MXRA7: variants seen among roughly 807,000 people sequenced by gnomAD.
The protein encoded by MXRA7 is matrix-remodeling-associated protein 7.
Under a neutral mutation model 17.4 loss-of-function variants are expected in MXRA7, and 18 were observed. The observed-to-expected ratio is 1.03, with a 90% CI of 0.71 to 1.53. The LOEUF is 1.53. Among genes scored for constraint, MXRA7 ranks in the 40% most tolerant of loss-of-function variants. The pLI, the probability that MXRA7 is intolerant of heterozygous loss-of-function variation, is 0.00. For missense variants in MXRA7, 141 were observed against 209.3 expected (o/e 0.67, Z 2.01); for synonymous variants, 70 against 101.7 (o/e 0.69, Z 1.87).
At chr17:76,690,535 C>G (rs923693718) in intron 1 of MXRA7, among the ~76,000 whole-genome samples, 1 of 151,986 alleles carries the variant, frequency 6.6e-6, no homozygotes, top group African/African-American at 2.4e-5. Context: ...ATAGTGCACA[C>G]CTCGCCTCTA....
chr17:76,680,932 G>T, intron 3 of MXRA7, 53 bp from the exon 4 acceptor site: 1 of 1,423,698 alleles, frequency 7.0e-7, no homozygotes, highest in Non-Finnish European at 9.8e-7. Context: ...ATTCCATCCT[G>T]CACCATGGGC....
chr17:76,710,823 G>T lies in MXRA7; in HGVS notation c.124C>A (p.Pro42Thr). The part of the protein sequence containing the change: ...AASPEPARAP[P>T]EPAPPAEATG... ...GCCTCGGCCGGGGGCGCGGGTTCCG[G>T]GGGCGCGCGGGCAGGCTCCGGGCTC... is the stretch of plus-strand genomic sequence containing the variant. The change falls in exon 1 of 4, where the codon CCG (proline) becomes ACG (threonine). Residue 42 changes from proline (P) to threonine (T), a missense_variant. Physicochemically the swap from Pro to Thr is conservative, Grantham distance 38 (BLOSUM62 -1). This residue lies in a region of MXRA7 where 72 missense variants were observed against 111.9 expected (regional missense o/e 0.64). Transcript: ENST00000449428. 3 of 954,974 alleles carry T rather than the reference G, an allele frequency of 3.1e-6. No individual in the cohort carries two copies. In the African/African-American group the frequency reaches 5.4e-5, roughly 17 times the overall value. The allele number at this position is 954,974 out of a possible 1,614,324, so 59.2% of individuals were successfully genotyped here. A position where few individuals can be genotyped will look rare whatever the true frequency, so the allele number is the denominator to read the frequency against.
chr17:76,688,416 A>C (rs2076433001), intron 1 of MXRA7: 26 of 1,391,874 alleles, frequency 1.9e-5, no homozygotes, highest in East Asian at 2.7e-5. Flanking sequence ...GTGCACCCCA[A>C]GCCCTCGGCC....
At position 76,696,544 on chromosome 17, in the gene MXRA7, A is replaced by G. The variant is rs149031391; in HGVS notation, c.343-8368T>C. On this transcript the variant is annotated intron_variant, in intron 1 of 3. Coordinates refer to ENST00000449428, the MANE Select transcript of MXRA7 (RefSeq NM_198530.4). The stretch of plus-strand genomic sequence containing the variant: ...CTAAAAAAATAAATAAAAATAAAAA[A>G]TAAACAGGTGTCAATACAAATTTTT... Among the ~76,000 whole-genome samples the G allele has an allele frequency of 2.6e-3, 392 of 152,210 alleles. 2 individuals carry two copies. Among genetic ancestry groups the G allele is most frequent in the African/African-American group, 9.2e-3 (381 of 41,532 alleles).
intron 1 of MXRA7, chr17:76,688,422 CGGCCTT>C: frequency 7.3e-7 from 1 of 1,370,082 alleles, no homozygotes; most frequent in Non-Finnish European, 9.4e-7. Flanking sequence ...CCCAAGCCCT[CGGCCTT>C]GGCCTTTCCC....
chr17:76,706,938 C>T (rs1050344245), intron 1 of MXRA7, among the ~76,000 whole-genome samples: 1 of 151,690 alleles, frequency 6.6e-6, no homozygotes, highest in East Asian at 1.9e-4. Flanking sequence ...CACACACACA[C>T]TGTGTGTGTG....
chr17:76,703,996 G>A (rs554408600), intron 1 of MXRA7, among the ~76,000 whole-genome samples: 1 of 150,456 alleles, frequency 6.6e-6, no homozygotes, highest in Non-Finnish European at 1.5e-5. Context: ...CTACTCAGGA[G>A]GCTGAGGCAA....
intron 1 of MXRA7, among the ~76,000 whole-genome samples, chr17:76,703,211 T>C (rs529704556): frequency 3.3e-5 from 5 of 152,108 alleles, no homozygotes; most frequent in Non-Finnish European, 7.3e-5. Context: ...AGAAGGCCCT[T>C]GCTGAGAATC....
At chr17:76,688,698 G>T in intron 1 of MXRA7, 1 of 1,233,992 alleles carries the variant, frequency 8.1e-7, no homozygotes, top group Non-Finnish European at 1.0e-6. Context: ...CCCACACAGA[G>T]ACACAATAAA....
At chr17:76,704,245 G>C (rs72874663) in intron 1 of MXRA7, among the ~76,000 whole-genome samples, 1 of 104,792 alleles carries the variant, frequency 9.5e-6, no homozygotes, top group East Asian at 3.3e-4. Context: ...TCACTCTGTC[G>C]CCCAGGCTGG....
chr17:76,673,813 C>T (rs2076220408), exon 4 of MXRA7: 1 of 152,170 alleles, frequency 6.6e-6, no homozygotes, highest in African/African-American at 2.4e-5. Context: ...TGCATGTTTT[C>T]TTCAGGGTCA....
At position 76,710,628 on chromosome 17, in the gene MXRA7, C is replaced by T. The variant is rs762048171; in HGVS notation, c.319G>A (p.Glu107Lys). Residue 107 changes from glutamate to lysine, a missense_variant, in exon 1 of 4, where the codon GAG (glutamate) becomes AAG (lysine). Coordinates refer to ENST00000449428, the MANE Select transcript of MXRA7 (RefSeq NM_198530.4). Reference protein sequence around the residue: ...DPAAAPAEAEEQAVEARQEEE... With the variant: ...DPAAAPAEAEKQAVEARQEEE... Reference sequence around the variant, plus strand: ...ACCTGCCTCGCCTCCACCGCCTGCTCCTCCGCCTCCGCTGGCGCCGCCGCG... The same window carrying T: ...ACCTGCCTCGCCTCCACCGCCTGCTTCTCCGCCTCCGCTGGCGCCGCCGCG... 7 of 1,383,644 alleles carry T rather than the reference C, an allele frequency of 5.1e-6. No homozygotes were observed. Among genetic ancestry groups the T allele is most frequent in the East Asian group, 6.4e-5 (2 of 31,090 alleles). The allele number at this position is 1,383,644 out of a possible 1,614,324, so 85.7% of individuals were successfully genotyped here. A position where few individuals can be genotyped will look rare whatever the true frequency, so the allele number is the denominator to read the frequency against.
intron 1 of MXRA7, among the ~76,000 whole-genome samples, chr17:76,698,712 GTTTTTTTTTTT>G (rs3078394): frequency 3.6e-5 from 2 of 54,884 alleles, no homozygotes; most frequent in African/African-American, 6.6e-5. Flanking sequence ...CTTCCTTTCT[GTTTTTTTTTTT>G]TTTTTTTTTT....
At chr17:76,695,218 C>T (rs1443193821) in intron 1 of MXRA7, among the ~76,000 whole-genome samples, 1 of 152,000 alleles carries the variant, frequency 6.6e-6, no homozygotes, top group African/African-American at 2.4e-5. Flanking sequence ...TGCATTTTGC[C>T]CTGATTTTAT....
intron 1 of MXRA7, among the ~76,000 whole-genome samples, chr17:76,697,890 AGGGAGAGAGGGGAG>A (rs886987170): frequency 4.9e-5 from 7 of 144,028 alleles, no homozygotes; most frequent in African/African-American, 1.6e-4. Flanking sequence ...AAGTCGGGAG[AGGGAGAGAGGGGAG>A]GGGAGAGAAG....
chr17:76,710,683 T>TCCCGCAGGCTCCCCGAGCTCCCCCAGC lies in MXRA7; in HGVS notation c.237_263dup (p.Leu80_Gly88dup). 3 of 1,255,042 alleles carry TCCCGCAGGCTCCCCGAGCTCCCCCAGC rather than the reference T, an allele frequency of 2.4e-6. No homozygotes were observed. Among genetic ancestry groups the TCCCGCAGGCTCCCCGAGCTCCCCCAGC allele is most frequent in the South Asian group, 2.3e-5 (1 of 43,498 alleles). 77.7% of individuals were successfully genotyped at this position (1,255,042 alleles called of 1,614,324 possible). A position where few individuals can be genotyped will look rare whatever the true frequency, so the allele number is the denominator to read the frequency against. Reference sequence around the variant, plus strand: ...CCCCTGGCCCTTCGGGCTCCCCCGGTCCCGCAGGCTCCCCGAGCTCCCCCA... The same window carrying TCCCGCAGGCTCCCCGAGCTCCCCCAGC: ...CCCCTGGCCCTTCGGGCTCCCCCGGTCCCGCAGGCTCCCCGAGCTCCCCCAGCCCCGCAGGCTCCCCGAGCTCCCCCA... On this transcript the variant is annotated inframe_insertion, in exon 1 of 4. Transcript: ENST00000449428.
intron 1 of MXRA7, among the ~76,000 whole-genome samples, chr17:76,694,198 T>C (rs2076508417): frequency 1.3e-5 from 2 of 152,112 alleles, no homozygotes; most frequent in Admixed American, 1.3e-4. Context: ...GAGAGACTCG[T>C]TGGAGAGCCC....
intron 1 of MXRA7, among the ~76,000 whole-genome samples, chr17:76,707,524 G>A (rs562267793): frequency 1.3e-5 from 2 of 151,924 alleles, no homozygotes; most frequent in Admixed American, 6.6e-5. Flanking sequence ...GGTTGGTCTC[G>A]AACTCCTGAC....
Position 76,693,194 on chromosome 17 carries a change from G to C in MXRA7, c.343-5018C>G, listed in dbSNP as rs141631835. On this transcript the variant is annotated intron_variant, in intron 1 of 3. Coordinates refer to ENST00000449428, the MANE Select transcript of MXRA7 (RefSeq NM_198530.4). ...AGAATGAAATAAAAGACAAGGCTGG[G>C]CGCGGTGGCTCATGCCTGTAATCCC... 1.2e-4 allele frequency among the ~76,000 whole-genome samples: 19 copies of C among 152,356 alleles called. No individual in the cohort carries two copies. The East Asian group carries it at 3.7e-3, about 29-fold the overall frequency.
Sources: gnomAD v4.1 joint callset for allele counts (sites outside exome capture counted in the v4.1 genomes callset) on GRCh38, gnomAD v4.1.1 for gene constraint, gnomAD v4.1.1 regional missense constraint, MANE v1.5 for transcripts, NCBI Gene and HGNC (gene_info 2026-07-23, HGNC 2026-07-21) for gene names.